The following CMBL variants were observed in gnomAD, a reference collection of about 807,000 sequenced individuals.
CMBL encodes the protein carboxymethylenebutenolidase homolog (Pseudomonas).
Under a neutral mutation model 28.7 loss-of-function variants are expected in CMBL, and 17 were observed. That is an observed-to-expected ratio of 0.59 (90% CI 0.41 to 0.89). CMBL has a LOEUF of 0.89. Among genes scored for constraint, CMBL ranks in the 40% least tolerant of loss-of-function variants. CMBL has a pLI of 0.00. For missense variants in CMBL, 310 were observed against 298.5 expected (o/e 1.04, Z -0.28); for synonymous variants, 106 against 101.6 (o/e 1.04, Z -0.26).
In CMBL at chr5:10,278,399, C is replaced by G. The variant is rs1362221725; in HGVS notation, c.*2054G>C. Among the ~76,000 whole-genome samples the G allele has an allele frequency of 6.6e-6, 1 of 152,150 alleles. No homozygotes were observed. The highest frequency in any genetic ancestry group is 1.5e-5 in the Non-Finnish European group (1 of 68,028). On this transcript the variant is annotated 3_prime_UTR_variant, in exon 6 of 6. Transcript: ENST00000296658. Reference sequence around the variant, plus strand: ...CTGCTTGACTTGTCCCACTGACCCCCACACCCACATGGACCATGCCGATAT... The same window carrying G: ...CTGCTTGACTTGTCCCACTGACCCCGACACCCACATGGACCATGCCGATAT...
chr5:10,280,704 T>G (rs1382584178), intron 5 of CMBL, 72 bp from the exon 6 acceptor site: 13 of 1,286,418 alleles, frequency 1.0e-5, no homozygotes, highest in Non-Finnish European at 1.3e-5. Flanking sequence ...TTAGTGAGCG[T>G]TCATAACAGA....
chr5:10,286,297 T>C (rs1746602598), intron 4 of CMBL, 57 bp downstream of exon 4: 1 of 1,540,104 alleles, frequency 6.5e-7, no homozygotes, highest in Non-Finnish European at 8.9e-7. Flanking sequence ...TTGTGATTGT[T>C]GTCACTCTTC....
intron 1 of CMBL, among the ~76,000 whole-genome samples, chr5:10,299,258 T>C (rs1746854598): frequency 6.6e-6 from 1 of 152,166 alleles, no homozygotes; most frequent in South Asian, 2.1e-4. Context: ...GAAAAATTCA[T>C]ATGAATGGGC....
Position 10,290,669 on chromosome 5 carries a change from C to G in CMBL, c.94G>C (p.Ala32Pro), listed in dbSNP as rs1746695371. ...GREVQVEHIK[A>P]YVTKSPVDAG... Reference sequence around the variant, plus strand: ...TCAACGGGGGATTTGGTGACATAAGCCTTGATGTGCTCGACTTGAACTTCA... The same window carrying G: ...TCAACGGGGGATTTGGTGACATAAGGCTTGATGTGCTCGACTTGAACTTCA... Residue 32 changes from alanine to proline, a missense_variant, in exon 2 of 6, where the codon GCT (alanine) becomes CCT (proline). Coordinates refer to ENST00000296658, the MANE Select transcript of CMBL (RefSeq NM_138809.4). The G allele has an allele frequency of 1.2e-6, 2 of 1,614,208 alleles. No individual in the cohort carries two copies. The highest frequency in any genetic ancestry group is 1.3e-5 in the African/African-American group (1 of 75,056).
At chr5:10,306,326 T>C (rs1237646452) in intron 1 of CMBL, among the ~76,000 whole-genome samples, 1 of 152,018 alleles carries the variant, frequency 6.6e-6, no homozygotes, top group African/African-American at 2.4e-5. Flanking sequence ...AGTCTAGGAA[T>C]ACATCTCCAG....
At chr5:10,297,462 T>A (rs1746828075) in intron 1 of CMBL, among the ~76,000 whole-genome samples, 1 of 150,198 alleles carries the variant, frequency 6.7e-6, no homozygotes, top group Non-Finnish European at 1.5e-5. Flanking sequence ...CCCAGATACT[T>A]GGGAGGCTGA....
At chr5:10,298,895 A>AAAAC (rs1008136179) in intron 1 of CMBL, among the ~76,000 whole-genome samples, 1 of 152,152 alleles carries the variant, frequency 6.6e-6, no homozygotes, top group Non-Finnish European at 1.5e-5. Context: ...TCCATCTCAA[A>AAAAC]AAACAAACAA....
intron 1 of CMBL, among the ~76,000 whole-genome samples, chr5:10,292,652 C>T (rs1746746392): frequency 6.6e-6 from 1 of 151,920 alleles, no homozygotes; most frequent in African/African-American, 2.4e-5. Context: ...GTGAAACCCC[C>T]GTCTCTACTA....
Position 10,280,476 on chromosome 5 carries a change from C to T in CMBL, c.715G>A (p.Glu239Lys), listed in dbSNP as rs906148660. 3.7e-6 allele frequency: 6 copies of T among 1,604,434 alleles called. No individual in the cohort carries two copies. Among genetic ancestry groups the T allele is most frequent in the Non-Finnish European group, 5.1e-6 (6 of 1,172,726 alleles). Residue 239 changes from glutamate (E) to lysine (K), a missense_variant, in exon 6 of 6, where the codon GAG becomes AAG. Glu to Lys is a moderately conservative substitution (Grantham distance 56). Transcript: ENST00000296658. ...YIDEARRNLI[E>K]WLNKYM is the part of the protein sequence containing the mutation. ...TGCTACATGTACTTGTTCAGCCACTCAATTAAATTCCTTCTGGCCTCGTCA... is the reference window on the plus strand; with the variant it reads ...TGCTACATGTACTTGTTCAGCCACTTAATTAAATTCCTTCTGGCCTCGTCA...
chr5:10,290,682 G>C lies in CMBL; in HGVS notation c.81C>G (p.Val27=), dbSNP rs148288379. 6.2e-7 allele frequency: 1 copy of C among 1,614,176 alleles called. No homozygotes were observed. The highest frequency in any genetic ancestry group is 1.1e-5 in the South Asian group (1 of 91,080). The change falls in exon 2 of 6, where the codon GTC becomes GTG. Residue 27 remains valine (V), a synonymous_variant. Coordinates refer to ENST00000296658, the MANE Select transcript of CMBL (RefSeq NM_138809.4). ...EYGGLGREVQ[V]EHIKAYVTKS... ...TGGTGACATAAGCCTTGATGTGCTC[G>C]ACTTGAACTTCACGGCCTAGCCCTC...
chr5:10,295,426 G>A (rs1462618321), intron 1 of CMBL, among the ~76,000 whole-genome samples: 2 of 152,172 alleles, frequency 1.3e-5, no homozygotes, highest in Admixed American at 6.5e-5. Flanking sequence ...GTCATTCATG[G>A]ACATTCGAAA....
Position 10,280,517 on chromosome 5 carries a change from G to A in CMBL, c.674C>T (p.Ala225Val). ...VHRKREDCSP[A>V]DKPYIDEARR... Reference sequence around the variant, plus strand: ...GGCCTCGTCAATGTAGGGCTTGTCTGCAGGTGAGCAATCTTCTCTCTTCCG... The same window carrying A: ...GGCCTCGTCAATGTAGGGCTTGTCTACAGGTGAGCAATCTTCTCTCTTCCG... The change falls in exon 6 of 6, where the codon GCA becomes GTA. Residue 225 changes from alanine (A) to valine (V), a missense_variant. Ala to Val is a moderately conservative substitution (Grantham distance 64). Transcript: ENST00000296658. The A allele has an allele frequency of 1.9e-6, 3 of 1,613,844 alleles. No homozygotes were observed. The highest frequency in any genetic ancestry group is 1.6e-4 in the Middle Eastern group (1 of 6,062).
intron 1 of CMBL, among the ~76,000 whole-genome samples, chr5:10,293,161 A>C (rs1253956502): frequency 6.6e-6 from 1 of 152,262 alleles, no homozygotes; most frequent in Non-Finnish European, 1.5e-5. Flanking sequence ...ATACTTGAAC[A>C]AGAGGAAAGA....
At position 10,291,390 on chromosome 5, in the gene CMBL, C is replaced by T. The variant is rs142408589; in HGVS notation, c.-19-609G>A. 4.2e-3 allele frequency among the ~76,000 whole-genome samples: 643 copies of T among 152,248 alleles called. 4 individuals carry two copies. The highest frequency in any genetic ancestry group is 0.015 in the African/African-American group (625 of 41,546). On this transcript the variant is annotated intron_variant, in intron 1 of 5. Coordinates refer to ENST00000296658, the MANE Select transcript of CMBL (RefSeq NM_138809.4). Reference sequence around the variant, plus strand: ...AAAGAAAGCAATCCTCGGCCGGGCGCGGTGGCTCACGCCTGTAATCCCAGC... The same window carrying T: ...AAAGAAAGCAATCCTCGGCCGGGCGTGGTGGCTCACGCCTGTAATCCCAGC...
intron 1 of CMBL, among the ~76,000 whole-genome samples, chr5:10,299,246 T>C (rs1040946000): frequency 6.6e-6 from 1 of 151,946 alleles, no homozygotes; most frequent in East Asian, 1.9e-4. Context: ...GACAACCCAA[T>C]AGAAAAATTC....
At chr5:10,298,463 T>C (rs1272589851) in intron 1 of CMBL, among the ~76,000 whole-genome samples, 2 of 152,192 alleles carry the variant, frequency 1.3e-5, no homozygotes, top group African/African-American at 4.8e-5. Context: ...AAATTGCAAA[T>C]TATTGTGAAT....
intron 1 of CMBL, among the ~76,000 whole-genome samples, chr5:10,302,904 C>G (rs1224348304): frequency 6.6e-6 from 1 of 152,204 alleles, no homozygotes; most frequent in Admixed American, 6.5e-5. Flanking sequence ...GAATCCCCTT[C>G]CCTTTCCAGG....
intron 1 of CMBL, among the ~76,000 whole-genome samples, chr5:10,297,640 T>G (rs1484071361): frequency 2.0e-5 from 3 of 151,864 alleles, no homozygotes; most frequent in Non-Finnish European, 4.4e-5. Flanking sequence ...TGAGCCTTTT[T>G]TTTTTAAAGT....
At chr5:10,298,956 G>A (rs1283161341) in intron 1 of CMBL, among the ~76,000 whole-genome samples, 2 of 152,148 alleles carry the variant, frequency 1.3e-5, no homozygotes, top group African/African-American at 2.4e-5. Flanking sequence ...AGGTGTCCAC[G>A]TGCTGATGGT....
Sources: gnomAD v4.1 joint callset for allele counts (sites outside exome capture counted in the v4.1 genomes callset) on GRCh38, gnomAD v4.1.1 for gene constraint, MANE v1.5 for transcripts, NCBI Gene and HGNC (gene_info 2026-07-23, HGNC 2026-07-21) for gene names.